The following SKAP2 variants were observed in gnomAD, a reference collection of about 807,000 sequenced individuals.
SKAP2 encodes the protein src kinase associated phosphoprotein 2.
Under a neutral mutation model 54.9 loss-of-function variants are expected in SKAP2, and 28 were observed. The observed-to-expected ratio is 0.51, with a 90% CI of 0.38 to 0.70. The LOEUF (loss-of-function observed/expected upper bound fraction) is 0.70, where lower values mean the gene tolerates loss of function less well. SKAP2 is among the 30% of genes least tolerant of loss of function. The pLI, the probability that SKAP2 is intolerant of heterozygous loss-of-function variation, is 0.00. For synonymous variants in SKAP2, 137 were observed against 134.3 expected, an observed-to-expected ratio of 1.02 and a Z score of -0.14; for missense variants, 356 against 424.1, an observed-to-expected ratio of 0.84 and a Z score of 1.41.
chr7:26,840,754 G>A (rs1471745141), intron 4 of SKAP2, among the ~76,000 whole-genome samples: 2 of 151,898 alleles, frequency 1.3e-5, no homozygotes, highest in Admixed American at 1.3e-4. Context: ...CTTCTAATAA[G>A]TATACTTTCT....
chr7:26,825,217 T>G (rs1247329062), intron 4 of SKAP2, among the ~76,000 whole-genome samples: 1 of 152,194 alleles, frequency 6.6e-6, no homozygotes, highest in Non-Finnish European at 1.5e-5. Flanking sequence ...ATGGTATGCA[T>G]TTGAGATACA....
intron 4 of SKAP2, among the ~76,000 whole-genome samples, chr7:26,823,439 A>AAAAC (rs1359131375): frequency 7.3e-5 from 11 of 151,400 alleles, no homozygotes; most frequent in African/African-American, 2.7e-4. Context: ...AAAAAAAAAA[A>AAAAC]AAAAAACAAG....
chr7:26,708,159 A>C (rs1562582423), intron 9 of SKAP2, among the ~76,000 whole-genome samples: 1 of 152,210 alleles, frequency 6.6e-6, no homozygotes, highest in Non-Finnish European at 1.5e-5. Flanking sequence ...GAAAAGTCCA[A>C]GGCAATGTGA....
intron 3 of SKAP2, chr7:26,847,938 A>T (rs1043232810): frequency 6.6e-6 from 1 of 152,224 alleles, no homozygotes; most frequent in Non-Finnish European, 1.5e-5. Flanking sequence ...CACAACTTTC[A>T]AAAGTTTAAT....
At position 26,775,530 on chromosome 7, in the gene SKAP2, C is replaced by CGTGTGTGTGT. The variant is rs59902431; in HGVS notation, c.308-35576_308-35567dup. 2.7e-5 allele frequency among the ~76,000 whole-genome samples: 4 copies of CGTGTGTGTGT among 146,208 alleles called. No homozygotes were observed. The East Asian group carries it at 6.1e-4, about 22-fold the overall frequency. On this transcript the variant is annotated intron_variant, in intron 4 of 12. Coordinates refer to ENST00000345317, the MANE Select transcript of SKAP2 (RefSeq NM_003930.5). ...TTTAGATTTCCCAGTTTTACTTGTA[C>CGTGTGTGTGT]GTGTGTGTGTGTGTGTGTGTGTGTG... is the stretch of plus-strand genomic sequence containing the variant.
At chr7:26,842,044 C>A (rs1784827192) in intron 4 of SKAP2, among the ~76,000 whole-genome samples, 2 of 151,788 alleles carry the variant, frequency 1.3e-5, no homozygotes, top group South Asian at 4.1e-4. Context: ...GAGAGAAAAA[C>A]TGATACATTG....
chr7:26,743,872 G>C (rs1355363764), intron 4 of SKAP2, among the ~76,000 whole-genome samples: 2 of 152,074 alleles, frequency 1.3e-5, no homozygotes, highest in Non-Finnish European at 2.9e-5. Flanking sequence ...AGGGAAAAAG[G>C]CAATAGTGAA....
intron 4 of SKAP2, among the ~76,000 whole-genome samples, chr7:26,793,335 G>A (rs1214029400): frequency 1.3e-5 from 2 of 152,126 alleles, no homozygotes; most frequent in East Asian, 1.9e-4. Flanking sequence ...TCTAGAATCA[G>A]AAATTGAAAA....
At chr7:26,655,387 G>A in the SKAP2 span, among the ~76,000 whole-genome samples, 5 of 152,146 alleles carry the variant, frequency 3.3e-5, no homozygotes, top group South Asian at 1.0e-3. Context: ...TTGTTTTAAT[G>A]TCCCCTAAAT....
At chr7:26,843,930 C>G in intron 4 of SKAP2, 100 bp downstream of exon 4, 6 of 719,778 alleles carry the variant, frequency 8.3e-6, no homozygotes, top group Non-Finnish European at 2.3e-6. Flanking sequence ...GTAAGTTAAC[C>G]GAAGCCTCTA....
chr7:26,816,166 T>C (rs750245810), intron 4 of SKAP2, among the ~76,000 whole-genome samples: 4 of 152,186 alleles, frequency 2.6e-5, no homozygotes, highest in African/African-American at 9.6e-5. Flanking sequence ...TTGTGCTATA[T>C]AAAGAATGCT....
chr7:26,701,545 C>A lies in SKAP2; in HGVS notation c.797-11183G>T, dbSNP rs376200870. Among the ~76,000 whole-genome samples the A allele has an allele frequency of 1.6e-3, 248 of 152,062 alleles. 1 individual carries two copies. The highest frequency in any genetic ancestry group is 5.8e-3 in the African/African-American group (239 of 41,458). On this transcript the variant is annotated intron_variant, in intron 9 of 12. Transcript: ENST00000345317. ...GTCAGGAGTTTGAAACCAGCCTGAC[C>A]AATATGGTGAAACCCCATCTCTACT... is the stretch of plus-strand genomic sequence containing the variant.
intron 4 of SKAP2, among the ~76,000 whole-genome samples, chr7:26,752,454 C>T (rs985789182): frequency 1.1e-4 from 16 of 152,200 alleles, no homozygotes; most frequent in South Asian, 6.2e-4. Flanking sequence ...GAATACAAAA[C>T]GAGGAGGCCC....
At chr7:26,771,669 C>T (rs1783193079) in intron 4 of SKAP2, among the ~76,000 whole-genome samples, 1 of 152,148 alleles carries the variant, frequency 6.6e-6, no homozygotes. Context: ...CAGGAATTTA[C>T]AAGCTGTTGG....
chr7:26,779,569 T>C (rs1443381766), intron 4 of SKAP2, among the ~76,000 whole-genome samples: 8 of 152,082 alleles, frequency 5.3e-5, no homozygotes, highest in African/African-American at 9.6e-5. Flanking sequence ...AGCATTTCAA[T>C]TCATATCATT....
chr7:26,766,695 T>G (rs535477191), intron 4 of SKAP2, among the ~76,000 whole-genome samples: 2 of 151,540 alleles, frequency 1.3e-5, no homozygotes, highest in East Asian at 3.9e-4. Flanking sequence ...CTGTTTTTAT[T>G]GAAGGCCTTT....
At chr7:26,791,571 C>T (rs1171247161) in intron 4 of SKAP2, among the ~76,000 whole-genome samples, 1 of 152,128 alleles carries the variant, frequency 6.6e-6, no homozygotes, top group Non-Finnish European at 1.5e-5. Flanking sequence ...ACTTGACTAA[C>T]AATTAGGTAA....
At chr7:26,660,909 T>C in the SKAP2 span, among the ~76,000 whole-genome samples, 1 of 152,122 alleles carries the variant, frequency 6.6e-6, no homozygotes, top group African/African-American at 2.4e-5. Flanking sequence ...CATCATCCGA[T>C]GTTACCAGAA....
intron 4 of SKAP2, among the ~76,000 whole-genome samples, chr7:26,793,339 T>C (rs1774464599): frequency 6.6e-6 from 1 of 152,180 alleles, no homozygotes; most frequent in Non-Finnish European, 1.5e-5. Context: ...GAATCAGAAA[T>C]TGAAAATCTT....
Sources: allele counts gnomAD v4.1 joint callset (sites outside exome capture counted in the v4.1 genomes callset), GRCh38; gene constraint gnomAD v4.1.1; transcripts MANE v1.5; gene names NCBI Gene and HGNC (gene_info 2026-07-23, HGNC 2026-07-21).